Variants in ZNF445 observed in about 807,000 individuals in gnomAD.
The protein encoded by ZNF445 is zinc finger protein 445.
A neutral mutation model predicts 93.9 loss-of-function variants in ZNF445; 19 were observed. The observed-to-expected ratio is 0.20, with a 90% CI of 0.14 to 0.30. ZNF445 has a LOEUF of 0.30. ZNF445 is among the 10% of genes least tolerant of loss of function. ZNF445 has a pLI of 1.00. For missense variants in ZNF445, 1,058 were observed against 1,259.4 expected, an observed-to-expected ratio of 0.84 and a Z score of 2.42; for synonymous variants, 449 against 446.3, an observed-to-expected ratio of 1.01 and a Z score of -0.08.
intron 6 of ZNF445, chr3:44,450,135 C>T (rs1025289383): frequency 7.2e-5 from 26 of 362,300 alleles, no homozygotes; most frequent in Non-Finnish European, 1.3e-4. Context: ...GATGGGGTTT[C>T]ACTATGTTGC....
intron 4 of ZNF445, 101 bp downstream of exon 4, chr3:44,451,213 G>A: frequency 2.1e-6 from 3 of 1,430,250 alleles, no homozygotes; most frequent in Non-Finnish European, 2.9e-6. Context: ...GGCCAGGACA[G>A]AAGGAGATTC....
chr3:44,453,519 T>A (rs1463516752), intron 3 of ZNF445, among the ~76,000 whole-genome samples: 1 of 150,984 alleles, frequency 6.6e-6, no homozygotes, highest in Non-Finnish European at 1.5e-5. Context: ...AGTCTCGAAC[T>A]CCTGACCTCA....
intron 1 of ZNF445, among the ~76,000 whole-genome samples, chr3:44,465,650 C>T (rs1174140607): frequency 1.3e-5 from 2 of 152,198 alleles, no homozygotes; most frequent in Non-Finnish European, 2.9e-5. Flanking sequence ...TGGTGGCTCA[C>T]ACCTGTAATC....
At chr3:44,473,453 T>TCACA (rs377305681) in intron 1 of ZNF445, among the ~76,000 whole-genome samples, 821 of 60,830 alleles carry the variant, frequency 0.013, 5 homozygotes, top group Middle Eastern at 0.015. Flanking sequence ...AAACTCCACT[T>TCACA]CACACACACA....
At chr3:44,460,236 C>T (rs1338743285) in intron 1 of ZNF445, among the ~76,000 whole-genome samples, 1 of 152,190 alleles carries the variant, frequency 6.6e-6, no homozygotes. Context: ...ACTTAACTGA[C>T]TCCATCTTGC....
rs1345483686 is a variant in ZNF445 at position 44,448,093 on chromosome 3, G to C, written c.1578C>G (p.Ser526=). ...GAATTTTCTCATGCCGCGCACAGTT[G>C]GAACTCCACCGGAAGGCTTTCCCAC... is the stretch of plus-strand genomic sequence containing the variant. The part of the protein sequence containing the change: ...RVCGKAFRWS[S]NCARHEKIHT... The change falls in exon 8 of 8, where the codon TCC becomes TCG. Residue 526 remains serine (S), a synonymous_variant. Coordinates refer to ENST00000396077, the MANE Select transcript of ZNF445 (RefSeq NM_181489.6). The C allele has an allele frequency of 3.7e-6, 6 of 1,613,262 alleles. No homozygotes were observed. Among genetic ancestry groups the C allele is most frequent in the African/African-American group, 1.3e-5 (1 of 74,844 alleles).
chr3:44,439,744 G>C lies in ZNF445; in HGVS notation c.*6831C>G, dbSNP rs1327612466. ...ATCACTCAAAACTGGTTCGGATGTT[G>C]AAACTGATGACACTGCAGACACCAA... On this transcript the variant is annotated 3_prime_UTR_variant, in exon 8 of 8. Transcript: ENST00000396077. 2 of 152,234 alleles carry C rather than the reference G, an allele frequency of 1.3e-5. No homozygotes were observed. Among genetic ancestry groups the C allele is most frequent in the Admixed American group, 1.3e-4 (2 of 15,290 alleles). The allele number at this position is 152,234 out of a possible 1,614,324, so 9.4% of individuals were successfully genotyped here. A position where few individuals can be genotyped will look rare whatever the true frequency, so the allele number is the denominator to read the frequency against.
At chr3:44,467,188 T>C (rs555186873) in intron 1 of ZNF445, among the ~76,000 whole-genome samples, 2 of 152,362 alleles carry the variant, frequency 1.3e-5, no homozygotes, top group African/African-American at 2.4e-5. Flanking sequence ...TTAGAGCTAT[T>C]TGCAACTTTT....
chr3:44,454,438 G>C (rs542230059), intron 3 of ZNF445, among the ~76,000 whole-genome samples: 1 of 152,212 alleles, frequency 6.6e-6, no homozygotes, highest in South Asian at 2.1e-4. Flanking sequence ...CTAGTTACTG[G>C]GCTTTTTTGT....
rs1212494017 is a variant in ZNF445, at chr3:44,444,797, A to G, written c.*1778T>C. 6.6e-6 allele frequency: 1 copy of G among 152,102 alleles called. No individual in the cohort carries two copies. Among genetic ancestry groups the G allele is most frequent in the Non-Finnish European group, 1.5e-5 (1 of 68,052 alleles). The allele number at this position is 152,102 out of a possible 1,614,324, so 9.4% of individuals were successfully genotyped here. A position where few individuals can be genotyped will look rare whatever the true frequency, so the allele number is the denominator to read the frequency against. On this transcript the variant is annotated 3_prime_UTR_variant, in exon 8 of 8. Coordinates refer to ENST00000396077, the MANE Select transcript of ZNF445 (RefSeq NM_181489.6). ...AGCAGGTAAGATTATTCCATACTCT[A>G]CTGAAAAAGACATCTTCCAGGTTGG...
intron 1 of ZNF445, among the ~76,000 whole-genome samples, chr3:44,469,070 T>C (rs1211041044): frequency 2.0e-5 from 3 of 148,824 alleles, no homozygotes; most frequent in Non-Finnish European, 3.0e-5. Context: ...TTTTATAGGA[T>C]GAAATACTCA....
intron 1 of ZNF445, among the ~76,000 whole-genome samples, chr3:44,474,601 T>C (rs779453902): frequency 5.9e-5 from 9 of 152,138 alleles, no homozygotes; most frequent in Non-Finnish European, 1.3e-4. Flanking sequence ...CTGTCACAGA[T>C]TGAAGCAGAC....
chr3:44,462,967 G>A (rs116817801), intron 1 of ZNF445, among the ~76,000 whole-genome samples: 3,621 of 151,014 alleles, frequency 0.024, 84 homozygotes, highest in African/African-American at 0.062. Flanking sequence ...TTGTTTTACT[G>A]GAAAAAGATT....
At chr3:44,473,453 TCA>T (rs377305681) in intron 1 of ZNF445, among the ~76,000 whole-genome samples, 743 of 60,784 alleles carry the variant, frequency 0.012, 5 homozygotes, top group South Asian at 0.02. Context: ...AAACTCCACT[TCA>T]CACACACACA....
chr3:44,453,303 A>AAT (rs1697981836), intron 3 of ZNF445, among the ~76,000 whole-genome samples: 1 of 148,392 alleles, frequency 6.7e-6, no homozygotes, highest in Non-Finnish European at 1.5e-5. Flanking sequence ...TTTTTTTTTA[A>AAT]TTTTTTTTTT....
At position 44,448,022 on chromosome 3, in the gene ZNF445, A is replaced by T; in HGVS notation, c.1649T>A (p.Phe550Tyr). ...PYKCDLCEKA[F>Y]RRLSAYRLHR... ...CAGACGGTAGGCTGACAGGCGTCGG[A>T]AAGCTTTCTCACATAAATCGCATTT... Residue 550 changes from phenylalanine to tyrosine, a missense_variant, in exon 8 of 8, where the codon TTC (phenylalanine) becomes TAC (tyrosine). Around this residue, in one of 3 missense-constraint regions of ZNF445, gnomAD observed 657 missense variants for 746.4 expected, o/e 0.88. Coordinates refer to ENST00000396077, the MANE Select transcript of ZNF445 (RefSeq NM_181489.6). 1 of 1,611,554 alleles carries T rather than the reference A, an allele frequency of 6.2e-7. No homozygotes were observed. Among genetic ancestry groups the T allele is most frequent in the African/African-American group, 1.3e-5 (1 of 75,036 alleles).
At chr3:44,468,772 C>T (rs1454917839) in intron 1 of ZNF445, among the ~76,000 whole-genome samples, 3 of 150,670 alleles carry the variant, frequency 2.0e-5, no homozygotes, top group African/African-American at 7.3e-5. Context: ...TCACTGGCTT[C>T]CCCCAACCCA....
chr3:44,462,880 T>C (rs747499359), intron 1 of ZNF445, among the ~76,000 whole-genome samples: 7 of 152,204 alleles, frequency 4.6e-5, no homozygotes, highest in Admixed American at 4.6e-4. Flanking sequence ...AAGAGTGCTA[T>C]GGTTAAAAGC....
rs1697658891 is a variant in ZNF445, at chr3:44,435,469, A to G, written c.*11106T>C. ...GAATCACTAGTTAATTAAGTTTACA[A>G]TTAATCCAATTGTCATTCTCCAAGA... On this transcript the variant is annotated 3_prime_UTR_variant, in exon 8 of 8. Coordinates refer to ENST00000396077, the MANE Select transcript of ZNF445 (RefSeq NM_181489.6). 1 of 152,240 alleles carries G rather than the reference A, an allele frequency of 6.6e-6. No individual in the cohort carries two copies. Among genetic ancestry groups the G allele is most frequent in the African/African-American group, 2.4e-5 (1 of 41,454 alleles). 9.4% of individuals were successfully genotyped at this position (152,240 alleles called of 1,614,324 possible).
Sources: allele counts gnomAD v4.1 joint callset (sites outside exome capture counted in the v4.1 genomes callset), GRCh38; gene constraint gnomAD v4.1.1; regional missense constraint gnomAD v4.1.1; transcripts MANE v1.5; gene names NCBI Gene and HGNC (gene_info 2026-07-23, HGNC 2026-07-21).